CDH23: variants seen among roughly 807,000 people sequenced by gnomAD.
The protein encoded by CDH23 is cadherin-23.
CDH23 carries 189 observed loss-of-function variants against 317.1 expected under a neutral mutation model. That is an observed-to-expected ratio of 0.60 (90% CI 0.53 to 0.67). The LOEUF is 0.67. Ranked by LOEUF, CDH23 falls within the 30% of genes least tolerant of loss-of-function variation. The pLI is 0.00. For missense variants in CDH23, 4,401 were observed against 4,592.4 expected, an observed-to-expected ratio of 0.96 and a Z score of 1.20; for synonymous variants, 1,839 against 1,876.8, an observed-to-expected ratio of 0.98 and a Z score of 0.52.
intron 3 of CDH23, among the ~76,000 whole-genome samples, chr10:71,462,545 G>C (rs939524800): frequency 3.3e-5 from 5 of 152,356 alleles, no homozygotes; most frequent in African/African-American, 9.6e-5. Context: ...ATGTGCCAAG[G>C]AGCAAAGTGC....
intron 6 of CDH23, among the ~76,000 whole-genome samples, chr10:71,527,832 C>T (rs1365819543): frequency 6.6e-6 from 1 of 152,188 alleles, no homozygotes; most frequent in Non-Finnish European, 1.5e-5. Context: ...TTGCCTGCTG[C>T]AGGGGACCCT....
intron 11 of CDH23, among the ~76,000 whole-genome samples, chr10:71,625,242 G>A (rs1861659238): frequency 6.6e-6 from 1 of 151,612 alleles, no homozygotes; most frequent in South Asian, 2.1e-4. Context: ...CCGAGCGGAG[G>A]GGCCTGCACT....
At position 71,759,884 on chromosome 10, in the gene CDH23, C is replaced by CAT. The variant is rs377560344; in HGVS notation, c.4846-17792_4846-17791dup. ...ACACACATATATATACACACACACA[C>CAT]ATATACACACACACATATATACACA... On this transcript the variant is annotated intron_variant, in intron 38 of 69. Transcript: ENST00000224721. Among the ~76,000 whole-genome samples, 170 of 49,192 alleles carry CAT rather than the reference C, an allele frequency of 3.5e-3. 21 individuals are homozygous for CAT. The Middle Eastern group carries it at 0.065, about 19-fold the overall frequency. 32.3% of individuals were successfully genotyped at this position (49,192 alleles called of 152,430 possible). A position where few individuals can be genotyped will look rare whatever the true frequency, so the allele number is the denominator to read the frequency against.
chr10:71,510,280 T>TG (rs984469810), intron 4 of CDH23, 56 bp downstream of exon 4: 1 of 1,583,508 alleles, frequency 6.3e-7, no homozygotes, highest in Admixed American at 1.7e-5. Flanking sequence ...GAGGAGACAC[T>TG]GGGGGAAGGA....
At chr10:71,476,838 G>A (rs200433308) in intron 3 of CDH23, among the ~76,000 whole-genome samples, 12 of 152,136 alleles carry the variant, frequency 7.9e-5, no homozygotes, top group Non-Finnish European at 1.3e-4. Flanking sequence ...AGCCGGACAC[G>A]CCTCCTCTCA....
chr10:71,767,909 A>G (rs867222664), intron 38 of CDH23, among the ~76,000 whole-genome samples: 1 of 152,156 alleles, frequency 6.6e-6, no homozygotes, highest in South Asian at 2.1e-4. Flanking sequence ...GGAGGCTAGC[A>G]TGCCTCCCCA....
intron 3 of CDH23, among the ~76,000 whole-genome samples, chr10:71,506,178 G>T (rs990945960): frequency 7.9e-5 from 12 of 152,170 alleles, no homozygotes; most frequent in Non-Finnish European, 1.8e-4. Context: ...AAATATCTAG[G>T]ATAGGCGAAT....
chr10:71,802,435 G>A (rs184797843), intron 53 of CDH23, among the ~76,000 whole-genome samples: 1 of 152,334 alleles, frequency 6.6e-6, no homozygotes, highest in East Asian at 1.9e-4. Context: ...GGGCTGGGGG[G>A]TCAGCCAGGG....
intron 48 of CDH23, chr10:71,795,750 C>A: frequency 1.1e-6 from 1 of 941,540 alleles, no homozygotes; most frequent in Non-Finnish European, 1.3e-6. Flanking sequence ...CCACCATCCT[C>A]CCTGCCCTGC....
At chr10:71,709,591 G>A (rs1865902333) in intron 27 of CDH23, among the ~76,000 whole-genome samples, 1 of 152,200 alleles carries the variant, frequency 6.6e-6, no homozygotes, top group Non-Finnish European at 1.5e-5. Context: ...CTTTGAGTGA[G>A]TTAGGACCCT....
In CDH23 at chr10:71,793,170, C is replaced by T. The variant is rs1302808569; in HGVS notation, c.6254-12C>T. On this transcript the variant is annotated splice_polypyrimidine_tract_variant and intron_variant, in intron 47 of 69. Transcript: ENST00000224721. ...CACTGTGCGCAGCTACTCCCTTTTCCCTCTCCAACAGGATTCTCAGTCCTT... is the reference window on the plus strand; with the variant it reads ...CACTGTGCGCAGCTACTCCCTTTTCTCTCTCCAACAGGATTCTCAGTCCTT... The T allele has an allele frequency of 6.2e-7, 1 of 1,601,024 alleles. No homozygotes were observed. Among genetic ancestry groups the T allele is most frequent in the Admixed American group, 1.7e-5 (1 of 58,778 alleles).
At chr10:71,424,024 G>A (rs908378490) in intron 1 of CDH23, among the ~76,000 whole-genome samples, 2 of 152,258 alleles carry the variant, frequency 1.3e-5, no homozygotes. Flanking sequence ...AAGAGGTGGG[G>A]ACTGGGAAGA....
intron 28 of CDH23, 92 bp from the exon 29 acceptor site, chr10:71,723,953 G>A: frequency 7.1e-7 from 1 of 1,408,958 alleles, no homozygotes; most frequent in Admixed American, 2.0e-5. Context: ...GATGGGGTAG[G>A]ATGCGTGAAG....
At chr10:71,650,116 C>T (rs7924199) in intron 14 of CDH23, among the ~76,000 whole-genome samples, 6,524 of 152,246 alleles carry the variant, frequency 0.043, 436 homozygotes, top group African/African-American at 0.15. Flanking sequence ...GTCCCAGGGT[C>T]GCTCCAGGTG....
intron 68 of CDH23, 114 bp downstream of exon 68, chr10:71,813,004 G>A (rs1308075522): frequency 6.7e-7 from 1 of 1,498,578 alleles, no homozygotes; most frequent in Non-Finnish European, 9.0e-7. Context: ...CCTCCACTGG[G>A]GCGAGAACAC....
At position 71,814,932 on chromosome 10, in the gene CDH23, G is replaced by T; in HGVS notation, c.9739-20G>T. 1 of 1,592,760 alleles carries T rather than the reference G, an allele frequency of 6.3e-7. No individual in the cohort carries two copies. Among genetic ancestry groups the T allele is most frequent in the East Asian group, 2.3e-5 (1 of 44,352 alleles). ...CCTTGGGCATGGCCCTGAGCATGTG[G>T]GGGTCCCGGCCTCTTGCAGCTGATA... On this transcript the variant is annotated intron_variant, in intron 69 of 69. Coordinates refer to ENST00000224721, the MANE Select transcript of CDH23 (RefSeq NM_022124.6).
At chr10:71,666,949 T>G (rs189411095) in intron 14 of CDH23, among the ~76,000 whole-genome samples, 6 of 152,382 alleles carry the variant, frequency 3.9e-5, no homozygotes, top group Non-Finnish European at 1.5e-5. Context: ...TAAAAATGCA[T>G]TCTCCCATGT....
intron 11 of CDH23, among the ~76,000 whole-genome samples, chr10:71,635,914 C>T (rs1476304225): frequency 6.6e-6 from 1 of 151,952 alleles, no homozygotes. Flanking sequence ...CCACTGTGTC[C>T]CCACATGGCT....
rs1245610355 is a variant in CDH23 at position 71,416,110 on chromosome 10, C to T, written c.-6+18792C>T. ...CATGATCTTGGCTCACTGCAACCTC[C>T]ACCTCCCAGGTTCAAGCAATTCTCC... On this transcript the variant is annotated intron_variant, in intron 1 of 69. Transcript: ENST00000224721. Among the ~76,000 whole-genome samples the T allele has an allele frequency of 2.0e-5, 3 of 152,130 alleles. No individual in the cohort carries two copies. In the East Asian group the frequency reaches 5.8e-4, roughly 29 times the overall value.
Sources: allele counts gnomAD v4.1 joint callset (sites outside exome capture counted in the v4.1 genomes callset), GRCh38; gene constraint gnomAD v4.1.1; transcripts MANE v1.5; gene names NCBI Gene and HGNC (gene_info 2026-07-23, HGNC 2026-07-21).